The following PLAAT2 variants were observed in gnomAD, a reference collection of about 807,000 sequenced individuals.
The protein encoded by PLAAT2 is phospholipase A and acyltransferase 2, also known as HRAS like suppressor 2.
In PLAAT2, 12 loss-of-function variants were observed where a neutral mutation model predicts 12.8. The observed-to-expected ratio is 0.94, with a 90% CI of 0.60 to 1.52. The LOEUF (loss-of-function observed/expected upper bound fraction) is 1.52, where lower values mean the gene tolerates loss of function less well. Among genes scored for constraint, PLAAT2 ranks in the 40% most tolerant of loss-of-function variants. The pLI is 0.00. For synonymous variants in PLAAT2, 79 were observed against 86.8 expected, an observed-to-expected ratio of 0.91 and a Z score of 0.50; for missense variants, 166 against 208.1, an observed-to-expected ratio of 0.80 and a Z score of 1.24.
chr11:63,555,806 A>G (rs2017461174), intron 3 of PLAAT2, among the ~76,000 whole-genome samples: 2 of 152,226 alleles, frequency 1.3e-5, no homozygotes, highest in Admixed American at 1.3e-4. Context: ...TGGTGTCCTC[A>G]GGGGGTCCTG....
At chr11:63,564,350 G>A (rs751716253), upstream of PLAAT2, among the ~76,000 whole-genome samples, 7 of 149,726 alleles carry the variant, frequency 4.7e-5, no homozygotes, top group Admixed American at 1.3e-4. Context: ...ATAGTTGTCC[G>A]GTCCTGAGCA....
chr11:63,553,040 C>T lies in PLAAT2; in HGVS notation c.413G>A (p.Gly138Asp). The T allele has an allele frequency of 6.2e-7, 1 of 1,613,708 alleles. No homozygotes were observed. The highest frequency in any genetic ancestry group is 8.5e-7 in the Non-Finnish European group (1 of 1,179,772). The change falls in exon 4 of 4, where the codon GGT becomes GAT. Residue 138 changes from glycine (G) to aspartate (D), a missense_variant. Gly to Asp is a moderately conservative substitution (Grantham distance 94, BLOSUM62 -1). Coordinates refer to ENST00000255695, the MANE Select transcript of PLAAT2 (RefSeq NM_017878.2). ...GGCAGCCAGCAGGCCTGCTGCCACA[C>T]CTACTGTCGTGACTGCACCAGTGAC... The part of the protein sequence containing the change: ...DQVTGAVTTV[G>D]VAAGLLAAAS...
intron 3 of PLAAT2, among the ~76,000 whole-genome samples, chr11:63,553,477 C>CA (rs796414820): frequency 3.6e-5 from 5 of 137,806 alleles, no homozygotes; most frequent in Non-Finnish European, 4.7e-5. Flanking sequence ...CCCATCTCTA[C>CA]AAAAAAATAC....
chr11:63,553,247 T>C (rs1590668265), intron 3 of PLAAT2, among the ~76,000 whole-genome samples, 182 bp from the exon 4 acceptor site: 1 of 150,542 alleles, frequency 6.6e-6, no homozygotes, highest in Non-Finnish European at 1.5e-5. Flanking sequence ...GAAAGAGGAG[T>C]GGAGATGTCT....
At chr11:63,563,721 A>AC (rs933671173), upstream of PLAAT2, among the ~76,000 whole-genome samples, 4 of 151,498 alleles carry the variant, frequency 2.6e-5, no homozygotes, top group East Asian at 7.7e-4. Context: ...CAGTCAAAAA[A>AC]AAAAAAAAAA....
intron 2 of PLAAT2, among the ~76,000 whole-genome samples, chr11:63,559,700 G>T (rs2017500525): frequency 7.9e-6 from 1 of 126,166 alleles, no homozygotes; most frequent in Non-Finnish European, 1.6e-5. Context: ...GTTCTGTTGA[G>T]TTGGGAGGCC....
At chr11:63,561,020 A>G (rs2017513609) in intron 1 of PLAAT2, among the ~76,000 whole-genome samples, 1 of 152,184 alleles carries the variant, frequency 6.6e-6, no homozygotes, top group Non-Finnish European at 1.5e-5. Flanking sequence ...TGTTTCCGGT[A>G]TGCTCTGGTG....
upstream of PLAAT2, among the ~76,000 whole-genome samples, chr11:63,563,608 A>G (rs185722770): frequency 0.014 from 823 of 59,454 alleles, 2 homozygotes; most frequent in Middle Eastern, 0.022. Flanking sequence ...AGTCCCAGCT[A>G]CTCCAGAGGC....
At chr11:63,563,715 CAAAAA>C (rs35852892), upstream of PLAAT2, among the ~76,000 whole-genome samples, 1 of 56,138 alleles carries the variant, frequency 1.8e-5, no homozygotes, top group African/African-American at 6.1e-5. Context: ...GAGACTCAGT[CAAAAA>C]AAAAAAAAAA....
At chr11:63,558,755 G>A in intron 2 of PLAAT2, 95 bp from the exon 3 acceptor site, 1 of 1,447,466 alleles carries the variant, frequency 6.9e-7, no homozygotes, top group South Asian at 1.3e-5. Flanking sequence ...TCAAGGAGGA[G>A]CAGCTGTGGA....
chr11:63,562,738 A>G (rs187618323), intron 1 of PLAAT2, among the ~76,000 whole-genome samples: 3 of 152,294 alleles, frequency 2.0e-5, no homozygotes, highest in Admixed American at 2.0e-4. Flanking sequence ...TGGACCCCTG[A>G]GCACTTGGGA....
chr11:63,556,722 A>G (rs1315392011), intron 3 of PLAAT2, among the ~76,000 whole-genome samples: 4 of 152,162 alleles, frequency 2.6e-5, no homozygotes, highest in African/African-American at 9.7e-5. Context: ...CTATCATACA[A>G]CAGAACAGCT....
intron 1 of PLAAT2, 73 bp from the exon 2 acceptor site, chr11:63,560,266 G>A (rs2017507114): frequency 2.7e-6 from 3 of 1,105,422 alleles, no homozygotes; most frequent in Non-Finnish European, 4.1e-6. Flanking sequence ...GACCTGCAAG[G>A]AGCCCCAGCT....
At chr11:63,556,485 C>T (rs1296974759) in intron 3 of PLAAT2, among the ~76,000 whole-genome samples, 1 of 152,050 alleles carries the variant, frequency 6.6e-6, no homozygotes, top group Non-Finnish European at 1.5e-5. Flanking sequence ...AATCCCCTTC[C>T]GACACCCCTC....
upstream of PLAAT2, among the ~76,000 whole-genome samples, chr11:63,563,628 A>AG (rs34706468): frequency 1 from 150,587 of 151,218 alleles, 74,982 homozygotes; most frequent in East Asian, 1. Context: ...CCGAGGCAGG[A>AG]AATGGCGTCA....
At position 63,558,316 on chromosome 11, in the gene PLAAT2, C is replaced by G. The variant is rs75523454; in HGVS notation, c.387+76G>C. The G allele has an allele frequency of 3.9e-3, 6,013 of 1,540,232 alleles. 204 individuals are homozygous for G. The African/African-American group carries it at 0.073, about 19-fold the overall frequency. On this transcript the variant is annotated intron_variant, in intron 3 of 3. Coordinates refer to ENST00000255695, the MANE Select transcript of PLAAT2 (RefSeq NM_017878.2). The stretch of plus-strand genomic sequence containing the variant: ...ATGTCTATTTCCATCCCACCCTGGC[C>G]CCAGCAGGGACCCAGCCTCTGGCAG...
rs149347013 is a variant in PLAAT2, at chr11:63,561,788, C to T, written c.9+1528G>A. Among the ~76,000 whole-genome samples the T allele has an allele frequency of 8.7e-3, 1,303 of 150,628 alleles. 14 individuals are homozygous for T. Among genetic ancestry groups the T allele is most frequent in the Non-Finnish European group, 0.014 (973 of 67,798 alleles). On this transcript the variant is annotated intron_variant, in intron 1 of 3. Transcript: ENST00000255695. Reference sequence around the variant, plus strand: ...TACCACATGTTCCCCCCCAGAACCTCGAAATTTAAAAAAAAGTAAAGCCTT... The same window carrying T: ...TACCACATGTTCCCCCCCAGAACCTTGAAATTTAAAAAAAAGTAAAGCCTT...
chr11:63,563,139 T>C (rs75884421), intron 1 of PLAAT2, among the ~76,000 whole-genome samples, 177 bp downstream of exon 1: 45 of 152,284 alleles, frequency 3.0e-4, no homozygotes, highest in African/African-American at 1.0e-3. Context: ...TCCAGGGTCA[T>C]AACCCAGCAC....
At chr11:63,562,145 T>C (rs891715419) in intron 1 of PLAAT2, among the ~76,000 whole-genome samples, 10 of 152,206 alleles carry the variant, frequency 6.6e-5, no homozygotes, top group Admixed American at 6.5e-5. Context: ...AGAAAAATAT[T>C]TGGAAGAATA....
Sources: gnomAD v4.1 joint callset for allele counts (sites outside exome capture counted in the v4.1 genomes callset) on GRCh38, gnomAD v4.1.1 for gene constraint, MANE v1.5 for transcripts, NCBI Gene and HGNC (gene_info 2026-07-23, HGNC 2026-07-21) for gene names.